The following CALD1 variants were observed in gnomAD, a reference collection of about 807,000 sequenced individuals.
CALD1 encodes caldesmon 1.
A neutral mutation model predicts 99.9 loss-of-function variants in CALD1; 33 were observed. The ratio of observed to expected loss-of-function variants is 0.33; its 90% CI spans 0.25 to 0.44. The LOEUF is 0.44. Ranked by LOEUF, CALD1 falls within the 20% of genes least tolerant of loss-of-function variation. The pLI is 1.00. For missense variants in CALD1, 861 were observed against 962.1 expected (o/e 0.89, Z 1.39); for synonymous variants, 310 against 325.0 (o/e 0.95, Z 0.50).
At chr7:134,713,444 C>T in the CALD1 span, among the ~76,000 whole-genome samples, 23 of 152,244 alleles carry the variant, frequency 1.5e-4, no homozygotes, top group South Asian at 4.2e-3. Context: ...TGACTTGCTG[C>T]CTTGGTGAGT....
At chr7:134,958,382 G>C in intron 11 of CALD1, 92 bp downstream of exon 11, 1 of 941,668 alleles carries the variant, frequency 1.1e-6, no homozygotes, top group Non-Finnish European at 1.7e-6. Context: ...CAATAATCAA[G>C]TCCAATAGCC....
intron 1 of CALD1, among the ~76,000 whole-genome samples, chr7:134,749,331 G>C (rs1308189767): frequency 6.6e-6 from 1 of 152,222 alleles, no homozygotes; most frequent in African/African-American, 2.4e-5. Context: ...TAAGAAGCAA[G>C]GCCAGGGGCC....
chr7:134,913,708 T>C (rs980532317), intron 3 of CALD1, among the ~76,000 whole-genome samples: 2 of 152,360 alleles, frequency 1.3e-5, no homozygotes, highest in Non-Finnish European at 2.9e-5. Flanking sequence ...TCAGATAGTA[T>C]ATATTTTCAA....
chr7:134,850,323 T>A (rs1800023928), intron 2 of CALD1, among the ~76,000 whole-genome samples: 2 of 152,194 alleles, frequency 1.3e-5, no homozygotes, highest in Admixed American at 1.3e-4. Flanking sequence ...CTATGTATTA[T>A]CCATTTACAG....
chr7:134,926,287 CT>C (rs1223649607), intron 3 of CALD1, among the ~76,000 whole-genome samples: 1 of 152,148 alleles, frequency 6.6e-6, no homozygotes, highest in Non-Finnish European at 1.5e-5. Context: ...TTAAATTTAA[CT>C]TTAAAAGGTT....
At chr7:134,798,980 T>C (rs889989863) in intron 1 of CALD1, among the ~76,000 whole-genome samples, 8 of 152,208 alleles carry the variant, frequency 5.3e-5, no homozygotes, top group African/African-American at 1.9e-4. Context: ...AGATTTCTTT[T>C]TCTACTGTTT....
chr7:134,955,272 C>T (rs946313092), intron 9 of CALD1, among the ~76,000 whole-genome samples: 8 of 152,100 alleles, frequency 5.3e-5, no homozygotes, highest in Admixed American at 1.3e-4. Flanking sequence ...CATCTGTAGT[C>T]CCAGCTACTC....
intron 1 of CALD1, among the ~76,000 whole-genome samples, chr7:134,829,453 A>G (rs1165629439): frequency 6.6e-6 from 1 of 152,240 alleles, no homozygotes; most frequent in African/African-American, 2.4e-5. Flanking sequence ...GGGTTTAAGA[A>G]AGGTTAAGAA....
At chr7:134,812,224 A>T (rs10954471) in intron 1 of CALD1, among the ~76,000 whole-genome samples, 93,752 of 151,968 alleles carry the variant, frequency 0.62, 29,348 homozygotes, top group East Asian at 0.95. Flanking sequence ...GTTCCCTATA[A>T]GCTGCATGCT....
rs576506148 is a variant in CALD1 at position 134,892,338 on chromosome 7, T to G, written c.71+24534T>G. ...CAACTTACCCCAAAGCAGACAACAG[T>G]CGGTAGCAAAGCCATGTCTTTGTAC... On this transcript the variant is annotated intron_variant, in intron 3 of 14. Transcript: ENST00000361675. Among the ~76,000 whole-genome samples the G allele has an allele frequency of 2.0e-5, 3 of 152,218 alleles. No individual in the cohort carries two copies. In the South Asian group the frequency reaches 6.2e-4, roughly 32 times the overall value.
intron 3 of CALD1, among the ~76,000 whole-genome samples, chr7:134,925,690 T>G (rs954332765): frequency 6.6e-6 from 1 of 152,158 alleles, no homozygotes; most frequent in Non-Finnish European, 1.5e-5. Context: ...ACCACCCCCA[T>G]GATCCAGTCA....
At chr7:134,813,980 A>C (rs1798459522) in intron 1 of CALD1, among the ~76,000 whole-genome samples, 1 of 152,126 alleles carries the variant, frequency 6.6e-6, no homozygotes, top group Non-Finnish European at 1.5e-5. Flanking sequence ...TATTAGAATG[A>C]TCACAGACAT....
intron 14 of CALD1, among the ~76,000 whole-genome samples, chr7:134,967,527 C>T (rs1808765884): frequency 6.6e-6 from 1 of 151,878 alleles, no homozygotes; most frequent in South Asian, 2.1e-4. Flanking sequence ...AGATAAGTCT[C>T]GTGGGGTAGG....
At chr7:134,764,616 T>G (rs1018962211) in intron 1 of CALD1, among the ~76,000 whole-genome samples, 2 of 152,240 alleles carry the variant, frequency 1.3e-5, no homozygotes, top group Non-Finnish European at 2.9e-5. Flanking sequence ...AGGATGGATA[T>G]ACTTAAATAC....
chr7:134,905,241 T>C (rs1046295756), intron 3 of CALD1, among the ~76,000 whole-genome samples: 2 of 152,148 alleles, frequency 1.3e-5, no homozygotes, highest in Non-Finnish European at 2.9e-5. Context: ...TTAATTTCCA[T>C]CATGATGATG....
At chr7:134,720,893 T>C in the CALD1 span, among the ~76,000 whole-genome samples, 1 of 152,228 alleles carries the variant, frequency 6.6e-6, no homozygotes, top group South Asian at 2.1e-4. Flanking sequence ...TTTGTACAAA[T>C]GTGTTTTGAA....
At chr7:134,844,184 A>G (rs2132167421) in intron 2 of CALD1, 1 of 112,868 alleles carries the variant, frequency 8.9e-6, no homozygotes, top group South Asian at 3.3e-4. Context: ...CCTGTTTTGT[A>G]ATCTGATTTT....
chr7:134,834,459 A>C (rs1430374151), intron 1 of CALD1, among the ~76,000 whole-genome samples: 1 of 152,230 alleles, frequency 6.6e-6, no homozygotes, highest in Non-Finnish European at 1.5e-5. Flanking sequence ...CTAATCAAAC[A>C]CAGGCAGAAT....
intron 3 of CALD1, among the ~76,000 whole-genome samples, chr7:134,893,992 T>A (rs1802385967): frequency 1.3e-5 from 2 of 152,210 alleles, no homozygotes; most frequent in African/African-American, 2.4e-5. Flanking sequence ...ATCTGCATTT[T>A]ACGTATGATA....
Sources: gnomAD v4.1 joint callset for allele counts (sites outside exome capture counted in the v4.1 genomes callset) on GRCh38, gnomAD v4.1.1 for gene constraint, MANE v1.5 for transcripts, NCBI Gene and HGNC (gene_info 2026-07-23, HGNC 2026-07-21) for gene names.